The following CCDC171 variants were observed in gnomAD, a reference collection of about 807,000 sequenced individuals.
CCDC171 encodes the protein coiled-coil domain containing 171, also known as coiled-coil domain-containing protein 171.
Under a neutral mutation model 168.2 loss-of-function variants are expected in CCDC171, and 177 were observed. The ratio of observed to expected loss-of-function variants is 1.05; its 90% CI spans 0.93 to 1.19. CCDC171 has a LOEUF of 1.19. CCDC171 is among the 50% of genes most tolerant of loss of function. CCDC171 has a pLI of 0.00. For synonymous variants in CCDC171, 687 were observed against 540.8 expected (o/e 1.27, Z -3.75); for missense variants, 1,991 against 1,539.0 (o/e 1.29, Z -4.91).
At chr9:15,758,168 C>T (rs897359114) in intron 18 of CCDC171, among the ~76,000 whole-genome samples, 17 of 152,202 alleles carry the variant, frequency 1.1e-4, no homozygotes, top group Admixed American at 6.5e-4. Flanking sequence ...GCCACAGACA[C>T]TCAATGCCAG....
intron 23 of CCDC171, chr9:15,850,124 T>G (rs1366541065): frequency 1.3e-5 from 2 of 151,920 alleles, no homozygotes; most frequent in African/African-American, 4.8e-5. Flanking sequence ...TTTGGTATGT[T>G]TTTTTGAACT....
At chr9:15,557,182 C>G (rs1317722084) in intron 1 of CCDC171, among the ~76,000 whole-genome samples, 3 of 152,098 alleles carry the variant, frequency 2.0e-5, no homozygotes, top group African/African-American at 7.2e-5. Context: ...TGTGATGCCT[C>G]CAGCTTTGTT....
intron 8 of CCDC171, among the ~76,000 whole-genome samples, chr9:15,659,145 C>T (rs1293301219): frequency 6.6e-6 from 1 of 152,110 alleles, no homozygotes; most frequent in Non-Finnish European, 1.5e-5. Flanking sequence ...TATGGTCATG[C>T]AAAGTTACCT....
chr9:15,815,807 A>G lies in CCDC171; in HGVS notation c.3268-30895A>G, dbSNP rs577193490. 2.2e-4 allele frequency among the ~76,000 whole-genome samples: 26 copies of G among 117,286 alleles called. 8 individuals carry two copies. Among genetic ancestry groups the G allele is most frequent in the Non-Finnish European group, 4.2e-4 (22 of 52,218 alleles). 76.9% of individuals were successfully genotyped at this position (117,286 alleles called of 152,430 possible). A position where few individuals can be genotyped will look rare whatever the true frequency, so the allele number is the denominator to read the frequency against. ...GATTATTAGCATCATTACTTAATTT[A>G]AAAGTCTTATCACTTTTTACTTTAA... On this transcript the variant is annotated intron_variant, in intron 21 of 25. Coordinates refer to ENST00000380701, the MANE Select transcript of CCDC171 (RefSeq NM_173550.4).
chr9:15,990,011 A>G (rs977135347), intron 3 of CCDC171, among the ~76,000 whole-genome samples: 8 of 152,226 alleles, frequency 5.3e-5, no homozygotes, highest in African/African-American at 1.9e-4. Flanking sequence ...TCTGCAGGAT[A>G]TTATCCAGGA....
intron 6 of CCDC171, among the ~76,000 whole-genome samples, chr9:15,606,933 A>G (rs148055707): frequency 2.0e-5 from 3 of 152,342 alleles, no homozygotes; most frequent in African/African-American, 4.8e-5. Context: ...ATAAAGATGC[A>G]GGTAGCTTTT....
intron 6 of CCDC171, among the ~76,000 whole-genome samples, chr9:16,033,346 C>T (rs1046658746): frequency 1.3e-5 from 2 of 152,214 alleles, no homozygotes; most frequent in Non-Finnish European, 2.9e-5. Context: ...TCTGTACTTA[C>T]AGCCACTCTC....
chr9:15,610,474 A>C (rs1167038376), intron 6 of CCDC171, among the ~76,000 whole-genome samples: 2 of 142,210 alleles, frequency 1.4e-5, no homozygotes, highest in East Asian at 2.1e-4. Flanking sequence ...AAAAAAAAAA[A>C]AAAAAAACTG....
downstream of CCDC171, among the ~76,000 whole-genome samples, chr9:16,066,251 T>G (rs1833989224): frequency 6.6e-6 from 1 of 152,196 alleles, no homozygotes; most frequent in African/African-American, 2.4e-5. Flanking sequence ...TGCCCCTACC[T>G]GTCTGCTGCG....
chr9:15,874,429 A>G, intron 23 of CCDC171, 103 bp from the exon 24 acceptor site: 1 of 887,728 alleles, frequency 1.1e-6, no homozygotes, highest in Non-Finnish European at 1.6e-6. Context: ...TTTCAGGTCC[A>G]GCGATCAATG....
intron 18 of CCDC171, among the ~76,000 whole-genome samples, chr9:15,762,580 A>G (rs1415604520): frequency 6.6e-6 from 1 of 152,210 alleles, no homozygotes; most frequent in Non-Finnish European, 1.5e-5. Context: ...CTCTTAATAA[A>G]AAGGGATATC....
the CCDC171 span, among the ~76,000 whole-genome samples, chr9:16,095,536 C>G: frequency 1.3e-5 from 2 of 151,960 alleles, no homozygotes; most frequent in Non-Finnish European, 2.9e-5. Context: ...CACACACGCT[C>G]TCTCTTTCTC....
intron 25 of CCDC171, among the ~76,000 whole-genome samples, chr9:15,949,323 A>G (rs926706631): frequency 6.6e-6 from 1 of 152,082 alleles, no homozygotes; most frequent in Non-Finnish European, 1.5e-5. Flanking sequence ...TTGGTTCCAT[A>G]TGAACTTTAA....
intron 11 of CCDC171, among the ~76,000 whole-genome samples, chr9:15,704,888 G>A (rs1176468126): frequency 1.3e-5 from 2 of 151,976 alleles, no homozygotes; most frequent in African/African-American, 4.8e-5. Flanking sequence ...TGTGACTAAT[G>A]GGGTCTCTCT....
At chr9:15,952,154 A>G (rs571362181) in intron 25 of CCDC171, among the ~76,000 whole-genome samples, 13 of 152,116 alleles carry the variant, frequency 8.5e-5, no homozygotes, top group East Asian at 1.9e-4. Context: ...TCCCCATTAA[A>G]TGGTGTTGAC....
At chr9:16,055,449 TAGG>T (rs1833824261) in intron 1 of CCDC171, among the ~76,000 whole-genome samples, 1 of 151,964 alleles carries the variant, frequency 6.6e-6, no homozygotes, top group Non-Finnish European at 1.5e-5. Flanking sequence ...ACCGGTGTAG[TAGG>T]AGAAGAACCT....
At chr9:15,575,018 C>T (rs528159093) in intron 3 of CCDC171, among the ~76,000 whole-genome samples, 151 of 152,038 alleles carry the variant, frequency 9.9e-4, no homozygotes, top group South Asian at 1.9e-3. Context: ...ATCATTTGAG[C>T]GTAACAATAC....
Position 15,813,916 on chromosome 9 carries a change from T to C in CCDC171, c.3267+29222T>C, listed in dbSNP as rs367677563. Among the ~76,000 whole-genome samples the C allele has an allele frequency of 9.8e-5, 15 of 152,308 alleles. No individual in the cohort carries two copies. The East Asian group carries it at 2.1e-3, about 22-fold the overall frequency. On this transcript the variant is annotated intron_variant, in intron 21 of 25. Transcript: ENST00000380701. ...AATTTAGTTGAGTAATAGGATCACT[T>C]TGTATTTGCATATAAGGTGAAATAA...
chr9:15,980,518 C>G (rs1390917612), intron 3 of CCDC171, among the ~76,000 whole-genome samples: 1 of 152,036 alleles, frequency 6.6e-6, no homozygotes, highest in Non-Finnish European at 1.5e-5. Flanking sequence ...CTCCCCAGGC[C>G]CATGCTTTAT....
Sources: allele counts gnomAD v4.1 joint callset (sites outside exome capture counted in the v4.1 genomes callset), GRCh38; gene constraint gnomAD v4.1.1; transcripts MANE v1.5; gene names NCBI Gene and HGNC (gene_info 2026-07-23, HGNC 2026-07-21).